The following HMGCLL1 variants were observed in gnomAD, a reference collection of about 807,000 sequenced individuals.
HMGCLL1 encodes 3-hydroxymethyl-3-methylglutaryl-CoA lyase, cytoplasmic.
HMGCLL1 carries 36 observed loss-of-function variants against 39.1 expected under a neutral mutation model. The ratio of observed to expected loss-of-function variants is 0.92; its 90% CI spans 0.71 to 1.22. The LOEUF (loss-of-function observed/expected upper bound fraction) is 1.22. HMGCLL1 is among the 50% of genes most tolerant of loss of function. The pLI is 0.00. For synonymous variants in HMGCLL1, 149 were observed against 144.0 expected (o/e 1.03, Z -0.25); for missense variants, 451 against 416.5 (o/e 1.08, Z -0.72).
chr6:55,625,776 A>G, the HMGCLL1 span, among the ~76,000 whole-genome samples: 1 of 152,188 alleles, frequency 6.6e-6, no homozygotes, highest in Non-Finnish European at 1.5e-5. Context: ...TTGGTGACAA[A>G]GAAATTTGGG....
chr6:55,668,865 T>G, the HMGCLL1 span, among the ~76,000 whole-genome samples: 1 of 151,700 alleles, frequency 6.6e-6, no homozygotes, highest in African/African-American at 2.4e-5. Context: ...GCAGCACCAG[T>G]AGTGGCCAGC....
chr6:55,554,176 A>G (rs1770520856), intron 1 of HMGCLL1, among the ~76,000 whole-genome samples: 1 of 152,236 alleles, frequency 6.6e-6, no homozygotes, highest in Non-Finnish European at 1.5e-5. Flanking sequence ...GGAAAAAAAT[A>G]CTAATGTAAA....
the HMGCLL1 span, among the ~76,000 whole-genome samples, chr6:55,599,798 A>G: frequency 1.3e-5 from 2 of 152,190 alleles, no homozygotes; most frequent in Non-Finnish European, 2.9e-5. Flanking sequence ...AATTTTGCAG[A>G]AACACTTAGT....
chr6:55,435,686 T>C lies in HMGCLL1; in HGVS notation c.999A>G (p.Val333=), dbSNP rs369326165. 2.5e-6 allele frequency: 4 copies of C among 1,601,382 alleles called. No individual in the cohort carries two copies. The highest frequency in any genetic ancestry group is 4.5e-5 in the East Asian group (2 of 44,386). Residue 333 remains valine (V), a synonymous_variant, in exon 9 of 9, where the codon GTA becomes GTG. Coordinates refer to ENST00000274901, the MANE Select transcript of HMGCLL1 (RefSeq NM_001042406.2). ...KAVNKTTNSK[V]AQASFNA is the part of the protein sequence containing the mutation. ...GTCAAGCATTGAAGGAGGCTTGTGC[T>C]ACTTTAGAGTTTGTGGTTTTATTCA...
At chr6:55,460,908 C>A (rs1278420674) in intron 7 of HMGCLL1, among the ~76,000 whole-genome samples, 1 of 151,812 alleles carries the variant, frequency 6.6e-6, no homozygotes, top group East Asian at 1.9e-4. Flanking sequence ...ATAACACTAG[C>A]AACAATGAAA....
At chr6:55,653,564 T>C in the HMGCLL1 span, among the ~76,000 whole-genome samples, 216 of 152,092 alleles carry the variant, frequency 1.4e-3, 1 homozygote, top group Non-Finnish European at 2.4e-3. Context: ...ATATCTAAAA[T>C]AGACAAAGTC....
At chr6:55,657,827 T>G in the HMGCLL1 span, among the ~76,000 whole-genome samples, 1 of 151,972 alleles carries the variant, frequency 6.6e-6, no homozygotes, top group Non-Finnish European at 1.5e-5. Flanking sequence ...AGATACTACA[T>G]GTTCTAATTT....
chr6:55,636,149 C>T, the HMGCLL1 span, among the ~76,000 whole-genome samples: 1 of 151,902 alleles, frequency 6.6e-6, no homozygotes, highest in South Asian at 2.1e-4. Context: ...AGAACCCAGT[C>T]CTACACACAT....
the HMGCLL1 span, among the ~76,000 whole-genome samples, chr6:55,627,788 T>C: frequency 4.5e-4 from 63 of 139,688 alleles, no homozygotes; most frequent in East Asian, 0.012. Context: ...TTCTTCAGTT[T>C]TGGGACTTGT....
chr6:55,487,100 G>T (rs567029534), intron 7 of HMGCLL1, among the ~76,000 whole-genome samples: 1 of 152,032 alleles, frequency 6.6e-6, no homozygotes, highest in Admixed American at 6.6e-5. Flanking sequence ...GAAACACAAA[G>T]ATTCAGACCA....
At chr6:55,672,152 T>C in the HMGCLL1 span, among the ~76,000 whole-genome samples, 8 of 151,792 alleles carry the variant, frequency 5.3e-5, no homozygotes, top group Non-Finnish European at 1.2e-4. Context: ...TATCAATAAC[T>C]GATCTTAATT....
intron 7 of HMGCLL1, among the ~76,000 whole-genome samples, chr6:55,459,564 G>T (rs1340449317): frequency 1.3e-5 from 2 of 151,964 alleles, no homozygotes; most frequent in Admixed American, 6.6e-5. Flanking sequence ...CATAATGCTG[G>T]ATCCCTCCTG....
intron 3 of HMGCLL1, among the ~76,000 whole-genome samples, chr6:55,533,667 A>G (rs1419195885): frequency 6.6e-6 from 1 of 151,708 alleles, no homozygotes; most frequent in African/African-American, 2.4e-5. Flanking sequence ...CGGGCGGATC[A>G]CGAGGTCAGG....
chr6:55,559,163 A>G (rs1247214130), intron 1 of HMGCLL1, among the ~76,000 whole-genome samples: 1 of 152,056 alleles, frequency 6.6e-6, no homozygotes, highest in Non-Finnish European at 1.5e-5. Context: ...ATTAAATGAG[A>G]CTTTTTGTTC....
At chr6:55,502,596 G>T (rs9396100) in intron 5 of HMGCLL1, among the ~76,000 whole-genome samples, 151,348 of 151,826 alleles carry the variant, frequency 1, 75,440 homozygotes, top group Middle Eastern at 1. Context: ...TCCCTTTGGC[G>T]ACATGTAATC....
chr6:55,480,456 C>T (rs926705070), intron 7 of HMGCLL1, among the ~76,000 whole-genome samples: 2 of 151,558 alleles, frequency 1.3e-5, no homozygotes, highest in Non-Finnish European at 1.5e-5. Flanking sequence ...AGCTTTTACT[C>T]AAGGTAACAA....
the HMGCLL1 span, among the ~76,000 whole-genome samples, chr6:55,666,860 G>T: frequency 6.6e-6 from 1 of 151,570 alleles, no homozygotes; most frequent in South Asian, 2.1e-4. Context: ...TGGGAGGAGA[G>T]TACCAAAAGA....
chr6:55,623,258 G>C, the HMGCLL1 span, among the ~76,000 whole-genome samples: 1 of 151,308 alleles, frequency 6.6e-6, no homozygotes, highest in Admixed American at 6.6e-5. Context: ...TTTCTGCTCT[G>C]ATCATTGTTA....
intron 5 of HMGCLL1, among the ~76,000 whole-genome samples, chr6:55,504,831 A>G (rs1767072771): frequency 6.6e-6 from 1 of 151,644 alleles, no homozygotes; most frequent in Non-Finnish European, 1.5e-5. Flanking sequence ...ATACTTGTCT[A>G]AGACATTCCT....
Sources: allele counts gnomAD v4.1 joint callset (sites outside exome capture counted in the v4.1 genomes callset), GRCh38; gene constraint gnomAD v4.1.1; transcripts MANE v1.5; gene names NCBI Gene and HGNC (gene_info 2026-07-23, HGNC 2026-07-21).